The following SYT2 variants were observed in gnomAD, a reference collection of about 807,000 sequenced individuals.
SYT2 encodes the protein synaptotagmin 2.
A neutral mutation model predicts 39.9 loss-of-function variants in SYT2; 15 were observed. The observed-to-expected ratio is 0.38, with a 90% CI of 0.25 to 0.58. The LOEUF is 0.58. Among genes scored for constraint, SYT2 ranks in the 20% least tolerant of loss-of-function variants. SYT2 has a pLI of 0.70. For missense variants in SYT2, 389 were observed against 530.3 expected, an observed-to-expected ratio of 0.73 and a Z score of 2.62; for synonymous variants, 181 against 204.5, an observed-to-expected ratio of 0.89 and a Z score of 0.98.
chr1:202,634,893 G>A (rs1055412334), intron 1 of SYT2, among the ~76,000 whole-genome samples: 2 of 152,280 alleles, frequency 1.3e-5, no homozygotes, highest in South Asian at 2.1e-4. Context: ...GAAGAATCGA[G>A]GGTGACTGTT....
intron 1 of SYT2, among the ~76,000 whole-genome samples, chr1:202,616,937 C>T (rs1245535650): frequency 7.2e-5 from 11 of 152,208 alleles, no homozygotes; most frequent in African/African-American, 2.4e-4. Flanking sequence ...TCCTCTTGCT[C>T]GCCTCCAGTC....
At chr1:202,654,757 T>C (rs1035334846) in intron 1 of SYT2, among the ~76,000 whole-genome samples, 3 of 152,148 alleles carry the variant, frequency 2.0e-5, no homozygotes, top group Non-Finnish European at 4.4e-5. Flanking sequence ...GACAGCTTCC[T>C]GGAGGAAGTG....
At chr1:202,699,042 G>A (rs1173430326) in intron 1 of SYT2, among the ~76,000 whole-genome samples, 1 of 129,460 alleles carries the variant, frequency 7.7e-6, no homozygotes. Flanking sequence ...TTGAGACACA[G>A]GGTCTTGCTC....
chr1:202,637,111 C>G (rs1308459085), intron 1 of SYT2, among the ~76,000 whole-genome samples: 2 of 152,150 alleles, frequency 1.3e-5, no homozygotes, highest in Non-Finnish European at 2.9e-5. Flanking sequence ...GCTTGAGCCC[C>G]AGGAGTTCGA....
chr1:202,635,031 ATG>A (rs2149093155), intron 1 of SYT2, among the ~76,000 whole-genome samples: 1 of 152,362 alleles, frequency 6.6e-6, no homozygotes, highest in Admixed American at 6.5e-5. Context: ...ATTGTATCGT[ATG>A]TGAATTATAG....
At chr1:202,635,349 AC>A in intron 1 of SYT2, among the ~76,000 whole-genome samples, 1 of 152,042 alleles carries the variant, frequency 6.6e-6, no homozygotes, top group East Asian at 1.9e-4. Flanking sequence ...TCTAATCCAA[AC>A]CCATAGAACT....
chr1:202,704,392 T>C (rs1654196970), intron 1 of SYT2, among the ~76,000 whole-genome samples: 1 of 151,882 alleles, frequency 6.6e-6, no homozygotes, highest in African/African-American at 2.4e-5. Context: ...TTTTACAGAG[T>C]AGGTGCTTAG....
intron 3 of SYT2, 140 bp from the exon 4 acceptor site, chr1:202,603,258 C>T (rs113678855): frequency 6.8e-5 from 83 of 1,215,550 alleles, no homozygotes; most frequent in Non-Finnish European, 1.9e-5. Context: ...CAAGAGGGAA[C>T]GTGGCCCTGC....
intron 1 of SYT2, among the ~76,000 whole-genome samples, chr1:202,686,154 TG>T (rs1653660446): frequency 6.6e-6 from 1 of 152,218 alleles, no homozygotes; most frequent in Admixed American, 6.5e-5. Context: ...TGGGTTACCC[TG>T]TGGGGGTCCC....
chr1:202,665,446 C>T (rs565160882), intron 1 of SYT2, among the ~76,000 whole-genome samples: 1 of 152,306 alleles, frequency 6.6e-6, no homozygotes, highest in South Asian at 2.1e-4. Context: ...CAGAGACAGG[C>T]AGATGAATAT....
intron 1 of SYT2, among the ~76,000 whole-genome samples, chr1:202,701,354 T>G (rs1203090392): frequency 6.6e-6 from 1 of 152,242 alleles, no homozygotes; most frequent in Non-Finnish European, 1.5e-5. Flanking sequence ...CTCAAACAGA[T>G]GCACAGGTGA....
Position 202,675,244 on chromosome 1 carries a change from C to T in SYT2, c.-18+35014G>A, listed in dbSNP as rs184739262. ...TGAGTCTGTATGACCATATATTTAA[C>T]GTGCAGTCATTCATTTAACAAATTA... On this transcript the variant is annotated intron_variant, in intron 1 of 8. Transcript: ENST00000367268. 7.6e-4 allele frequency among the ~76,000 whole-genome samples: 115 copies of T among 152,154 alleles called. 1 individual carries two copies. Among genetic ancestry groups the T allele is most frequent in the African/African-American group, 2.8e-3 (115 of 41,494 alleles).
chr1:202,644,117 G>A (rs141873688), intron 1 of SYT2, among the ~76,000 whole-genome samples: 2 of 152,306 alleles, frequency 1.3e-5, no homozygotes, highest in African/African-American at 4.8e-5. Context: ...CCGGCAGCCC[G>A]CGGTCCCCAC....
chr1:202,630,578 C>T (rs1691556565), intron 1 of SYT2: 1 of 160,674 alleles, frequency 6.2e-6, no homozygotes, highest in Non-Finnish European at 1.3e-5. Flanking sequence ...AAACCACAGA[C>T]CATGATGGGA....
At chr1:202,709,776 A>C (rs1572692457) in intron 1 of SYT2, among the ~76,000 whole-genome samples, 3 of 150,150 alleles carry the variant, frequency 2.0e-5, no homozygotes, top group African/African-American at 4.9e-5. Context: ...CCCAGACCCC[A>C]CCCCCCGCCC....
At position 202,601,609 on chromosome 1, in the gene SYT2, G is replaced by T. The variant is rs1429422394; in HGVS notation, c.801+281C>A. Among the ~76,000 whole-genome samples the T allele has an allele frequency of 6.6e-6, 1 of 152,184 alleles. No individual in the cohort carries two copies. The highest frequency in any genetic ancestry group is 6.5e-5 in the Admixed American group (1 of 15,276). ...GAAGCTTAGGAGTAACAATAATAAT[G>T]GTGTTTTTATTTATTTGAGTACCTA... On this transcript the variant is annotated intron_variant, in intron 6 of 8. Coordinates refer to ENST00000367268, the MANE Select transcript of SYT2 (RefSeq NM_177402.5). The surrounding 1 kb of genome is among the most constrained non-coding windows in gnomAD (Gnocchi z 4.0).
chr1:202,632,748 T>C (rs901709578), intron 1 of SYT2: 2 of 169,394 alleles, frequency 1.2e-5, no homozygotes, highest in African/African-American at 2.4e-5. Flanking sequence ...AAGCCCTTTA[T>C]GCCATCTTTC....
intron 1 of SYT2, among the ~76,000 whole-genome samples, chr1:202,607,243 A>C (rs1690738550): frequency 1.3e-5 from 2 of 152,214 alleles, no homozygotes; most frequent in African/African-American, 4.8e-5. Flanking sequence ...CCAAGCACAC[A>C]GCGGGCACTC....
intron 1 of SYT2, among the ~76,000 whole-genome samples, chr1:202,691,037 G>A (rs1024407121): frequency 2.0e-5 from 3 of 152,180 alleles, no homozygotes; most frequent in Non-Finnish European, 4.4e-5. Context: ...TCTCTGCTAA[G>A]CAAGAGTCTG....
Sources: allele counts gnomAD v4.1 joint callset (sites outside exome capture counted in the v4.1 genomes callset), GRCh38; gene constraint gnomAD v4.1.1; non-coding constraint Gnocchi (gnomAD v3.1); transcripts MANE v1.5; gene names NCBI Gene and HGNC (gene_info 2026-07-23, HGNC 2026-07-21).